ROBO2: variants seen among roughly 807,000 people sequenced by gnomAD.
The protein encoded by ROBO2 is roundabout guidance receptor 2, also known as roundabout homolog 2.
ROBO2 carries 53 observed loss-of-function variants against 160.8 expected under a neutral mutation model. The ratio of observed to expected loss-of-function variants is 0.33; its 90% confidence interval spans 0.26 to 0.41. ROBO2 has a LOEUF of 0.41. ROBO2 is among the 10% of genes least tolerant of loss of function. The pLI is 1.00. For synonymous variants in ROBO2, 664 were observed against 611.7 expected (o/e 1.09, Z -1.26); for missense variants, 1,577 against 1,722.4 (o/e 0.92, Z 1.49).
intron 2 of ROBO2, among the ~76,000 whole-genome samples, chr3:76,148,499 G>A (rs370718847): frequency 8.6e-5 from 13 of 151,762 alleles, no homozygotes; most frequent in Non-Finnish European, 1.2e-4. Flanking sequence ...TCCTCCATTC[G>A]TCTGCTCCCT....
chr3:77,024,996 A>T (rs1400454021), intron 2 of ROBO2, among the ~76,000 whole-genome samples: 3 of 149,168 alleles, frequency 2.0e-5, no homozygotes, highest in Non-Finnish European at 2.9e-5. Flanking sequence ...TTAAAAAAAA[A>T]GGACAGAAGG....
chr3:76,762,405 T>C (rs1304073185), intron 2 of ROBO2, among the ~76,000 whole-genome samples: 1 of 151,256 alleles, frequency 6.6e-6, no homozygotes, highest in Non-Finnish European at 1.5e-5. Context: ...TAATATGTTC[T>C]TTAATTGCTT....
At chr3:76,668,882 G>A (rs912104970) in intron 2 of ROBO2, among the ~76,000 whole-genome samples, 7 of 152,090 alleles carry the variant, frequency 4.6e-5, no homozygotes, top group Admixed American at 2.6e-4. Context: ...TGACTGCAGC[G>A]GTTGGGGTGG....
At chr3:76,454,241 G>A (rs545990387) in intron 2 of ROBO2, among the ~76,000 whole-genome samples, 27 of 152,094 alleles carry the variant, frequency 1.8e-4, no homozygotes, top group Non-Finnish European at 3.8e-4. Context: ...AAAATTTGAA[G>A]TGCTAACTGA....
intron 2 of ROBO2, among the ~76,000 whole-genome samples, chr3:76,667,488 G>T (rs1347916996): frequency 2.6e-5 from 4 of 151,978 alleles, no homozygotes; most frequent in Non-Finnish European, 4.4e-5. Context: ...TACTCTATAC[G>T]CAGTAGTGGT....
intron 2 of ROBO2, among the ~76,000 whole-genome samples, chr3:77,340,123 A>G (rs2066909111): frequency 6.6e-6 from 1 of 152,090 alleles, no homozygotes; most frequent in South Asian, 2.1e-4. Context: ...CATAAGTGGT[A>G]AGATTGCTCA....
chr3:77,195,630 A>G (rs1445925196), intron 2 of ROBO2, among the ~76,000 whole-genome samples: 1 of 152,216 alleles, frequency 6.6e-6, no homozygotes, highest in Non-Finnish European at 1.5e-5. Flanking sequence ...AAAACATTCT[A>G]GGCTTGCTTT....
chr3:76,530,435 C>T (rs796247050), intron 2 of ROBO2, among the ~76,000 whole-genome samples: 5 of 152,248 alleles, frequency 3.3e-5, no homozygotes, highest in South Asian at 2.1e-4. Flanking sequence ...GAATTGCTCC[C>T]GCATCTCCAG....
chr3:77,501,455 A>T (rs2087594306), intron 5 of ROBO2, among the ~76,000 whole-genome samples: 1 of 152,338 alleles, frequency 6.6e-6, no homozygotes, highest in Non-Finnish European at 1.5e-5. Context: ...TATTATTCTT[A>T]ATAAGTTGAA....
intron 1 of ROBO2, among the ~76,000 whole-genome samples, chr3:77,050,174 T>G (rs2065075177): frequency 6.6e-6 from 1 of 152,190 alleles, no homozygotes. Context: ...ACTCTTGTAT[T>G]TTATATCTCT....
At chr3:76,555,371 A>AGAAGAAGAAGAAGAAGAAGAAGAAGAC (rs1560140787) in intron 2 of ROBO2, among the ~76,000 whole-genome samples, 2 of 49,774 alleles carry the variant, frequency 4.0e-5, no homozygotes, top group Non-Finnish European at 5.9e-5. Flanking sequence ...AAGAAGAAGA[A>AGAAGAAGAAGAAGAAGAAGAAGAAGAC]GAAGAAGAAG....
At chr3:76,223,148 AT>A (rs1288588841) in intron 2 of ROBO2, among the ~76,000 whole-genome samples, 1 of 151,728 alleles carries the variant, frequency 6.6e-6, no homozygotes, top group African/African-American at 2.4e-5. Context: ...GAGTATATTA[AT>A]GGTACACTTC....
At chr3:77,597,375 G>T (rs1285511246) in intron 19 of ROBO2, among the ~76,000 whole-genome samples, 1 of 151,988 alleles carries the variant, frequency 6.6e-6, no homozygotes, top group Non-Finnish European at 1.5e-5. Context: ...TCAAAATTTG[G>T]TGCCAGAGTC....
At chr3:76,249,727 T>C (rs887831529) in intron 2 of ROBO2, among the ~76,000 whole-genome samples, 3 of 152,078 alleles carry the variant, frequency 2.0e-5, no homozygotes, top group African/African-American at 7.2e-5. Context: ...AGACAGACAA[T>C]TCCACAATGC....
At chr3:77,266,666 C>G (rs1014010563) in intron 2 of ROBO2, among the ~76,000 whole-genome samples, 1 of 152,130 alleles carries the variant, frequency 6.6e-6, no homozygotes, top group Non-Finnish European at 1.5e-5. Flanking sequence ...CCCTGATCTA[C>G]TAATTCTTGC....
chr3:76,634,095 A>G (rs996098154), intron 2 of ROBO2, among the ~76,000 whole-genome samples: 3 of 152,262 alleles, frequency 2.0e-5, no homozygotes, highest in Non-Finnish European at 2.9e-5. Flanking sequence ...GGCTTAAACA[A>G]CAGAAATTTA....
chr3:76,732,403 C>A (rs1358638879), intron 2 of ROBO2, among the ~76,000 whole-genome samples: 2 of 152,062 alleles, frequency 1.3e-5, no homozygotes, highest in Admixed American at 6.5e-5. Flanking sequence ...GGAGGCTTAA[C>A]TAGGGAAGAA....
intron 2 of ROBO2, among the ~76,000 whole-genome samples, chr3:77,438,497 A>G (rs2079556958): frequency 6.6e-6 from 1 of 151,604 alleles, no homozygotes; most frequent in African/African-American, 2.4e-5. Flanking sequence ...TTAGGGTGAA[A>G]AGTGAGTATC....
intron 2 of ROBO2, among the ~76,000 whole-genome samples, chr3:77,166,410 A>C (rs1477188650): frequency 6.6e-6 from 1 of 152,232 alleles, no homozygotes; most frequent in Admixed American, 6.5e-5. Flanking sequence ...AATTGCATCT[A>C]TCATAATGTT....
Sources: gnomAD v4.1 joint callset for allele counts (sites outside exome capture counted in the v4.1 genomes callset) on GRCh38, gnomAD v4.1.1 for gene constraint, MANE v1.5 for transcripts, NCBI Gene and HGNC (gene_info 2026-07-23, HGNC 2026-07-21) for gene names.